The following SAP18 variants were observed in gnomAD, a reference collection of about 807,000 sequenced individuals.
SAP18 encodes Sin3A associated protein 18.
Under a neutral mutation model 18.6 loss-of-function variants are expected in SAP18, and 4 were observed. The ratio of observed to expected loss-of-function variants is 0.21; its 90% CI spans 0.11 to 0.49. The LOEUF (loss-of-function observed/expected upper bound fraction) is 0.49, where lower values mean the gene tolerates loss of function less well. Among genes scored for constraint, SAP18 ranks in the 20% least tolerant of loss-of-function variants. The probability of loss-of-function intolerance (pLI) is 0.98; values close to 1 mark genes in which losing one functional copy is unlikely to be tolerated. For missense variants in SAP18, 170 were observed against 226.4 expected (o/e 0.75, Z 1.60); for synonymous variants, 112 against 82.8 (o/e 1.35, Z -1.92).
chr13:21,142,316 A>G (rs937626443), intron 2 of SAP18, among the ~76,000 whole-genome samples: 1 of 151,154 alleles, frequency 6.6e-6, no homozygotes, highest in Non-Finnish European at 1.5e-5. Flanking sequence ...CTATATAACA[A>G]AATTTGCCGT....
intron 2 of SAP18, among the ~76,000 whole-genome samples, chr13:21,144,431 A>G (rs958034561): frequency 1.5e-5 from 2 of 130,616 alleles, no homozygotes; most frequent in African/African-American, 2.8e-5. Flanking sequence ...AAAAAAAAAA[A>G]GCTTTATTGC....
intron 2 of SAP18, 97 bp downstream of exon 2, chr13:21,141,092 T>A: frequency 2.5e-6 from 2 of 813,458 alleles, no homozygotes; most frequent in East Asian, 4.9e-5. Flanking sequence ...CTGATTTCAA[T>A]TTCATTTCTC....
chr13:21,140,576 T>G (rs112687601), exon 1 of SAP18: 131 of 1,603,952 alleles, frequency 8.2e-5, no homozygotes, highest in African/African-American at 7.8e-4. Flanking sequence ...GGGTCGGAGG[T>G]CAGGGCGAGC....
At chr13:21,141,402 C>A (rs987668082) in intron 2 of SAP18, 1 of 202,846 alleles carries the variant, frequency 4.9e-6, no homozygotes, top group Non-Finnish European at 1.0e-5. Context: ...AGAGCATTTC[C>A]ACATAATATT....
chr13:21,140,755 G>A (rs781236337), intron 1 of SAP18, 74 bp downstream of exon 1: 6 of 1,593,064 alleles, frequency 3.8e-6, no homozygotes, highest in South Asian at 3.3e-5. Context: ...GGCGCGGCCT[G>A]TGTGCTGGAG....
chr13:21,148,928 CAGTT>C (rs1236017725), exon 4 of SAP18: 2 of 152,272 alleles, frequency 1.3e-5, no homozygotes, highest in East Asian at 3.9e-4. Flanking sequence ...ATCAAAAGTA[CAGTT>C]AGAGAATACC....
chr13:21,141,081 C>T (rs1869449958), intron 2 of SAP18, 86 bp downstream of exon 2: 2 of 861,492 alleles, frequency 2.3e-6, no homozygotes, highest in Non-Finnish European at 3.8e-6. Context: ...AGTTATTCTC[C>T]CTGATTTCAA....
chr13:21,142,850 G>C, intron 2 of SAP18, among the ~76,000 whole-genome samples: 1 of 152,110 alleles, frequency 6.6e-6, no homozygotes, highest in East Asian at 1.9e-4. Context: ...ACCATGCCCA[G>C]TGTGCCGGTA....
chr13:21,142,709 C>T (rs755729884), intron 2 of SAP18, among the ~76,000 whole-genome samples: 1 of 152,028 alleles, frequency 6.6e-6, no homozygotes, highest in African/African-American at 2.4e-5. Flanking sequence ...AAGTTTTTAT[C>T]CCTCCCTCCA....
At chr13:21,144,572 T>C (rs1356258588) in intron 2 of SAP18, among the ~76,000 whole-genome samples, 1 of 152,140 alleles carries the variant, frequency 6.6e-6, no homozygotes, top group Non-Finnish European at 1.5e-5. Context: ...CCCCAGATTA[T>C]ATAGGATAGA....
At position 21,144,405 on chromosome 13, in the gene SAP18, C is replaced by CA. The variant is rs36115551; in HGVS notation, c.240-2374dup. ...CGGGCGACAGAGCGGGACTCCATCT[C>CA]AAAAAAAAAAAAAAAAAAAAAAAAA... On this transcript the variant is annotated intron_variant, in intron 2 of 3. Coordinates refer to ENST00000621421, the Ensembl canonical transcript of SAP18. Among the ~76,000 whole-genome samples the CA allele has an allele frequency of 7.7e-3, 498 of 64,614 alleles. 23 individuals carry two copies. Among genetic ancestry groups the CA allele is most frequent in the East Asian group, 0.021 (42 of 2,018 alleles). 42.4% of individuals were successfully genotyped at this position (64,614 alleles called of 152,430 possible).
chr13:21,148,885 A>T (rs901687875), exon 4 of SAP18: 1 of 152,226 alleles, frequency 6.6e-6, no homozygotes, highest in Non-Finnish European at 1.5e-5. Context: ...TGGTTCCAAC[A>T]TGGAATTTCT....
chr13:21,147,059 A>AT (rs1344036731), intron 3 of SAP18, 127 bp from the exon 4 acceptor site: 2 of 1,434,466 alleles, frequency 1.4e-6, no homozygotes, highest in Admixed American at 2.3e-5. Flanking sequence ...GTTTGGCTTA[A>AT]TAAAGTAGTT....
chr13:21,140,587 G>A, exon 1 of SAP18: 2 of 1,608,632 alleles, frequency 1.2e-6, no homozygotes, highest in Non-Finnish European at 1.7e-6. Context: ...CAGGGCGAGC[G>A]TCTCGCAGGC....
chr13:21,147,456 T>G, exon 4 of SAP18: 1 of 914,972 alleles, frequency 1.1e-6, no homozygotes, highest in Non-Finnish European at 1.7e-6. Flanking sequence ...CAAATTATAA[T>G]GCATCATCTA....
exon 4 of SAP18, chr13:21,147,333 A>G: frequency 6.2e-7 from 1 of 1,603,952 alleles, no homozygotes; most frequent in Non-Finnish European, 8.5e-7. Flanking sequence ...GGCGCATGAG[A>G]CCATATTAAA....
intron 2 of SAP18, among the ~76,000 whole-genome samples, chr13:21,144,285 A>T (rs1869564937): frequency 6.6e-6 from 1 of 151,724 alleles, no homozygotes; most frequent in Non-Finnish European, 1.5e-5. Context: ...GGTGCCTGTA[A>T]TCCCAACTAC....
chr13:21,145,065 CTTTTT>C (rs1167195491), intron 2 of SAP18, among the ~76,000 whole-genome samples: 2 of 127,730 alleles, frequency 1.6e-5, no homozygotes, highest in African/African-American at 5.9e-5. Context: ...TTCTTGACCT[CTTTTT>C]TTTTTTTTTT....
At position 21,140,789 on chromosome 13, in the gene SAP18, G is replaced by C. The variant is rs779349398; in HGVS notation, c.130-97G>C. 10 of 1,580,086 alleles carry C rather than the reference G, an allele frequency of 6.3e-6. No homozygotes were observed. The South Asian group carries it at 8.9e-5, about 14-fold the overall frequency. ...AGGAGATGGTGTTTTTGGTCTCGGG[G>C]AGGCTCGGAGGCCGCAACGCCTCGG... On this transcript the variant is annotated intron_variant, in intron 1 of 3. Transcript: ENST00000621421.
Sources: allele counts gnomAD v4.1 joint callset (sites outside exome capture counted in the v4.1 genomes callset), GRCh38; gene constraint gnomAD v4.1.1; transcripts MANE v1.5; gene names NCBI Gene and HGNC (gene_info 2026-07-23, HGNC 2026-07-21).